Variants in ACTR3C observed in about 807,000 individuals in gnomAD.
ACTR3C encodes actin related protein 3C.
In ACTR3C, 18 loss-of-function variants were observed where a neutral mutation model predicts 26.3. The observed-to-expected ratio is 0.68, with a 90% CI of 0.47 to 1.01. The LOEUF (loss-of-function observed/expected upper bound fraction) is 1.01, where lower values mean the gene tolerates loss of function less well. ACTR3C is among the 50% of genes least tolerant of loss of function. ACTR3C has a pLI of 0.00. For synonymous variants in ACTR3C, 55 were observed against 94.5 expected, an observed-to-expected ratio of 0.58 and a Z score of 2.42; for missense variants, 184 against 250.7, an observed-to-expected ratio of 0.73 and a Z score of 1.80.
chr7:150,256,267 A>C (rs1363887747), intron 6 of ACTR3C, among the ~76,000 whole-genome samples: 1 of 152,256 alleles, frequency 6.6e-6, no homozygotes, highest in African/African-American at 2.4e-5. Context: ...AGAACAATTT[A>C]TATTCCTTTG....
chr7:150,009,596 A>C, the ACTR3C span, among the ~76,000 whole-genome samples: 31 of 152,196 alleles, frequency 2.0e-4, no homozygotes, highest in African/African-American at 7.5e-4. Context: ...TGGGCTCTAA[A>C]ATTTAACAAA....
chr7:150,060,343 A>G, the ACTR3C span, among the ~76,000 whole-genome samples: 1 of 150,584 alleles, frequency 6.6e-6, no homozygotes, highest in African/African-American at 2.5e-5. Flanking sequence ...CCTTATTTTG[A>G]TCCAGGTGAA....
chr7:150,303,069 A>C (rs1795551613), intron 1 of ACTR3C: 1 of 152,260 alleles, frequency 6.6e-6, no homozygotes, highest in African/African-American at 2.4e-5. Context: ...TGACTGACAG[A>C]CCACTGATCT....
At chr7:150,244,966 A>C, downstream of ACTR3C, 1 of 152,350 alleles carries the variant, frequency 6.6e-6, no homozygotes, top group Admixed American at 6.5e-5. Context: ...GAGCTATATG[A>C]AGGACAGACA....
the ACTR3C span, among the ~76,000 whole-genome samples, chr7:150,123,582 AACACACAC>A: frequency 6.7e-5 from 8 of 119,202 alleles, no homozygotes; most frequent in African/African-American, 2.5e-4. Context: ...AGCAAAGGTC[AACACACAC>A]ACACACACAC....
the ACTR3C span, among the ~76,000 whole-genome samples, chr7:150,031,673 G>A: frequency 6.6e-6 from 1 of 152,006 alleles, no homozygotes; most frequent in Non-Finnish European, 1.5e-5. Flanking sequence ...GTCCTAATTT[G>A]TGCCTTTTGC....
At chr7:149,897,969 A>G in the ACTR3C span, among the ~76,000 whole-genome samples, 1 of 152,226 alleles carries the variant, frequency 6.6e-6, no homozygotes, top group East Asian at 1.9e-4. Flanking sequence ...AAAAAGACAC[A>G]GGGCAGAAAT....
At chr7:149,903,891 TTTGTTGTTGCTGGTTGTTG>T in the ACTR3C span, among the ~76,000 whole-genome samples, 776 of 25,964 alleles carry the variant, frequency 0.03, 20 homozygotes, top group African/African-American at 0.045. Flanking sequence ...GTTGTTGTTG[TTTGTTGTTGCTGGTTGTTG>T]TTGTTGTTGT....
At chr7:150,019,943 C>T in the ACTR3C span, among the ~76,000 whole-genome samples, 1 of 152,234 alleles carries the variant, frequency 6.6e-6, no homozygotes, top group Admixed American at 6.5e-5. Context: ...GGATTCAGGA[C>T]AAGCTCGTTG....
At chr7:150,098,149 G>T in the ACTR3C span, among the ~76,000 whole-genome samples, 1 of 151,556 alleles carries the variant, frequency 6.6e-6, no homozygotes, top group South Asian at 2.1e-4. Flanking sequence ...ATAGTTTAGA[G>T]ACACCTACTA....
chr7:150,311,391 C>T (rs540582597), intron 1 of ACTR3C, among the ~76,000 whole-genome samples: 8 of 152,342 alleles, frequency 5.3e-5, no homozygotes, highest in South Asian at 2.1e-4. Flanking sequence ...TGCTTTAATA[C>T]GTCTAGAGGC....
the ACTR3C span, among the ~76,000 whole-genome samples, chr7:150,116,761 T>A: frequency 6.6e-6 from 1 of 152,160 alleles, no homozygotes; most frequent in Non-Finnish European, 1.5e-5. Flanking sequence ...GTTGTTAGAA[T>A]AAACAGTATC....
chr7:150,089,873 T>A, the ACTR3C span, among the ~76,000 whole-genome samples: 52 of 152,346 alleles, frequency 3.4e-4, no homozygotes, highest in African/African-American at 1.2e-3. Flanking sequence ...ACAATTTCAA[T>A]CCACTTGCAC....
chr7:150,240,526 A>G (rs1285712898), downstream of ACTR3C, among the ~76,000 whole-genome samples: 3 of 152,208 alleles, frequency 2.0e-5, no homozygotes, highest in Non-Finnish European at 4.4e-5. Flanking sequence ...GCACATGTAT[A>G]CCTATGTAAC....
At chr7:150,202,268 G>T in the ACTR3C span, among the ~76,000 whole-genome samples, 4 of 152,226 alleles carry the variant, frequency 2.6e-5, no homozygotes, top group Middle Eastern at 6.8e-3. Context: ...ACGTTTCATT[G>T]ATACAGAATC....
At chr7:150,057,668 G>C in the ACTR3C span, among the ~76,000 whole-genome samples, 8 of 152,162 alleles carry the variant, frequency 5.3e-5, no homozygotes, top group Admixed American at 4.6e-4. Flanking sequence ...AACTTCATAG[G>C]TAGCTCCTGA....
the ACTR3C span, among the ~76,000 whole-genome samples, chr7:150,023,235 ATCTC>A: frequency 0.86 from 121,525 of 142,046 alleles, 51,200 homozygotes; most frequent in Middle Eastern, 0.93. Flanking sequence ...ATCTCTATAT[ATCTC>A]TCTATCTCTA....
chr7:150,036,166 C>CACTGCGATAGTGGT, the ACTR3C span, among the ~76,000 whole-genome samples: 5 of 130,064 alleles, frequency 3.8e-5, no homozygotes, highest in African/African-American at 1.4e-4. Flanking sequence ...GTGCCTCCCC[C>CACTGCGATAGTGGT]CCCGCGATGG....
At chr7:149,891,114 A>G in the ACTR3C span, 1 of 534,956 alleles carries the variant, frequency 1.9e-6, no homozygotes, top group South Asian at 2.1e-5. Flanking sequence ...AACGCCCTAG[A>G]AAAGAATATC....
Sources: allele counts gnomAD v4.1 joint callset (sites outside exome capture counted in the v4.1 genomes callset), GRCh38; gene constraint gnomAD v4.1.1; transcripts MANE v1.5; gene names NCBI Gene and HGNC (gene_info 2026-07-23, HGNC 2026-07-21).